HNF4G: variants seen among roughly 807,000 people sequenced by gnomAD.
The protein encoded by HNF4G is hepatocyte nuclear factor 4-gamma.
Under a neutral mutation model 50.9 loss-of-function variants are expected in HNF4G, and 21 were observed. That is an observed-to-expected ratio of 0.41 (90% CI 0.29 to 0.59). The LOEUF (loss-of-function observed/expected upper bound fraction) is 0.59, where lower values mean the gene tolerates loss of function less well. Among genes scored for constraint, HNF4G ranks in the 20% least tolerant of loss-of-function variants. The pLI is 0.26. For synonymous variants in HNF4G, 198 were observed against 185.6 expected (o/e 1.07, Z -0.54); for missense variants, 527 against 559.4 (o/e 0.94, Z 0.58).
At chr8:75,414,762 G>T (rs1045721324) in intron 1 of HNF4G, among the ~76,000 whole-genome samples, 5 of 152,300 alleles carry the variant, frequency 3.3e-5, no homozygotes, top group Admixed American at 1.3e-4. Context: ...GCATAATGTT[G>T]TATAGATATT....
At chr8:75,506,988 A>C (rs1813093280) in intron 2 of HNF4G, among the ~76,000 whole-genome samples, 1 of 152,206 alleles carries the variant, frequency 6.6e-6, no homozygotes, top group Non-Finnish European at 1.5e-5. Flanking sequence ...TTTGGGCCTA[A>C]AAATGTTATA....
intron 1 of HNF4G, among the ~76,000 whole-genome samples, chr8:75,418,130 T>C (rs545101961): frequency 6.6e-6 from 1 of 152,264 alleles, no homozygotes; most frequent in Admixed American, 6.5e-5. Flanking sequence ...AGGCTTGGTG[T>C]CTTCTGAAGC....
At chr8:75,562,743 C>T (rs958617118) in intron 9 of HNF4G, among the ~76,000 whole-genome samples, 4 of 152,104 alleles carry the variant, frequency 2.6e-5, no homozygotes, top group Non-Finnish European at 5.9e-5. Flanking sequence ...TTTCCACATA[C>T]TATTTGTGGG....
intron 1 of HNF4G, among the ~76,000 whole-genome samples, chr8:75,409,358 A>G (rs545506162): frequency 1.3e-5 from 2 of 151,726 alleles, no homozygotes; most frequent in East Asian, 3.9e-4. Context: ...TCTCACAAAT[A>G]TTGCATTTTT....
At chr8:75,546,303 C>A (rs1366501011) in intron 2 of HNF4G, among the ~76,000 whole-genome samples, 1 of 152,054 alleles carries the variant, frequency 6.6e-6, no homozygotes, top group African/African-American at 2.4e-5. Flanking sequence ...TTACTTAACA[C>A]CCCCAAGTTC....
rs193287097 is a variant in HNF4G at position 75,429,888 on chromosome 8, A to G, written c.-144+21726A>G. ...AAAACCTAAAGATTCCAGACAGTAT[A>G]TGTATATTTAAAAATTACTTTGGGA... On this transcript the variant is annotated intron_variant, in intron 1 of 10. Transcript: ENST00000354370. 7.9e-4 allele frequency among the ~76,000 whole-genome samples: 120 copies of G among 152,268 alleles called. 1 individual carries two copies. The highest frequency in any genetic ancestry group is 2.7e-3 in the African/African-American group (114 of 41,542).
chr8:75,560,570 G>C, intron 9 of HNF4G, 104 bp downstream of exon 9: 1 of 1,098,312 alleles, frequency 9.1e-7, no homozygotes, highest in Non-Finnish European at 1.3e-6. Flanking sequence ...GCAAAAACTT[G>C]GTGTAATTTC....
Position 75,564,221 on chromosome 8 carries a change from T to A in HNF4G, c.*125T>A. On this transcript the variant is annotated 3_prime_UTR_variant, in exon 10 of 10. Transcript: ENST00000396423. ...CTTCATTGGTGCTGTTATAAGATGG[T>A]GTCCTATTTTCTTGTTTATACGTTC... The A allele has an allele frequency of 1.0e-6, 1 of 993,248 alleles. No homozygotes were observed. Among genetic ancestry groups the A allele is most frequent in the Non-Finnish European group, 1.5e-6 (1 of 674,484 alleles). The allele number at this position is 993,248 out of a possible 1,614,324, so 61.5% of individuals were successfully genotyped here.
chr8:75,536,348 G>T (rs879885779), upstream of HNF4G, among the ~76,000 whole-genome samples: 1 of 151,880 alleles, frequency 6.6e-6, no homozygotes, highest in East Asian at 1.9e-4. Flanking sequence ...AAACTTAAAA[G>T]CACTCATAAA....
intron 1 of HNF4G, among the ~76,000 whole-genome samples, chr8:75,448,799 AT>A (rs1181559468): frequency 1.3e-5 from 2 of 152,144 alleles, no homozygotes; most frequent in African/African-American, 4.8e-5. Context: ...GTAATGACAG[AT>A]TTGATGAAAG....
rs144672882 is a variant in HNF4G at position 75,417,960 on chromosome 8, T to TACAC, written c.-144+9822_-144+9825dup. On this transcript the variant is annotated intron_variant, in intron 1 of 10. Coordinates refer to the HNF4G transcript ENST00000354370. ...AGTTAATTATAAATGTGTGTGTGTC[T>TACAC]ACACACACACACACACACACACACA... 6.0e-3 allele frequency among the ~76,000 whole-genome samples: 896 copies of TACAC among 148,854 alleles called. 17 individuals carry two copies. The highest frequency in any genetic ancestry group is 0.02 in the African/African-American group (804 of 40,664).
At chr8:75,443,393 A>G (rs1291538283) in intron 1 of HNF4G, among the ~76,000 whole-genome samples, 4 of 152,336 alleles carry the variant, frequency 2.6e-5, no homozygotes, top group Non-Finnish European at 5.9e-5. Context: ...AGTATTAATA[A>G]CTTCTGAATT....
intron 1 of HNF4G, among the ~76,000 whole-genome samples, chr8:75,450,201 C>T (rs1289447084): frequency 2.0e-5 from 3 of 152,012 alleles, no homozygotes; most frequent in Admixed American, 6.6e-5. Context: ...TTTTTAAGGC[C>T]GAATAATATT....
chr8:75,477,370 A>G (rs1424191549), intron 1 of HNF4G, among the ~76,000 whole-genome samples: 1 of 152,184 alleles, frequency 6.6e-6, no homozygotes, highest in Non-Finnish European at 1.5e-5. Context: ...CTTTATCAAT[A>G]TCGTTGTCTA....
intron 1 of HNF4G, among the ~76,000 whole-genome samples, chr8:75,466,616 C>T (rs1268340077): frequency 1.1e-4 from 13 of 113,410 alleles, no homozygotes; most frequent in African/African-American, 2.1e-4. Context: ...TTCCTTCCTT[C>T]CTTCCTTCCT....
chr8:75,473,480 A>C (rs974327055), intron 1 of HNF4G, among the ~76,000 whole-genome samples: 6 of 152,248 alleles, frequency 3.9e-5, no homozygotes, highest in African/African-American at 9.6e-5. Context: ...GAAATACTAA[A>C]GTTTGAGGCA....
chr8:75,481,001 GCC>G (rs1812364682), intron 1 of HNF4G, among the ~76,000 whole-genome samples: 1 of 152,100 alleles, frequency 6.6e-6, no homozygotes, highest in Non-Finnish European at 1.5e-5. Context: ...ACAGGCGTGA[GCC>G]ACTGGTCCCG....
chr8:75,566,547 A>G lies in HNF4G; in HGVS notation c.*2451A>G, dbSNP rs1807466988. On this transcript the variant is annotated 3_prime_UTR_variant, in exon 10 of 10. Transcript: ENST00000396423. ...ATTTTTATATACTGAACTGCCATAGATGCTGGAAAAAAGGAACTGATGTTT... is the reference window on the plus strand; with the variant it reads ...ATTTTTATATACTGAACTGCCATAGGTGCTGGAAAAAAGGAACTGATGTTT... The G allele has an allele frequency of 1.3e-5, 2 of 152,508 alleles. No individual in the cohort carries two copies. Among genetic ancestry groups the G allele is most frequent in the African/African-American group, 4.8e-5 (2 of 41,448 alleles). The allele number at this position is 152,508 out of a possible 1,614,324, so 9.4% of individuals were successfully genotyped here.
At chr8:75,439,342 T>C (rs1811217720) in intron 1 of HNF4G, among the ~76,000 whole-genome samples, 1 of 152,070 alleles carries the variant, frequency 6.6e-6, no homozygotes, top group Non-Finnish European at 1.5e-5. Flanking sequence ...GATGAATTTT[T>C]TACATGTCTG....
Sources: allele counts gnomAD v4.1 joint callset (sites outside exome capture counted in the v4.1 genomes callset), GRCh38; gene constraint gnomAD v4.1.1; transcripts MANE v1.5; gene names NCBI Gene and HGNC (gene_info 2026-07-23, HGNC 2026-07-21).